CEP128: variants seen among roughly 807,000 people sequenced by gnomAD.
The protein encoded by CEP128 is centrosomal protein 128.
CEP128 carries 132 observed loss-of-function variants against 156.7 expected under a neutral mutation model. The ratio of observed to expected loss-of-function variants is 0.84; its 90% CI spans 0.73 to 0.97. The LOEUF is 0.97. Ranked by LOEUF, CEP128 falls within the 50% of genes least tolerant of loss-of-function variation. CEP128 has a pLI of 0.00. For synonymous variants in CEP128, 469 were observed against 448.9 expected (o/e 1.04, Z -0.57); for missense variants, 1,252 against 1,281.9 (o/e 0.98, Z 0.36).
At chr14:80,499,295 T>C (rs1887631510) in intron 24 of CEP128, among the ~76,000 whole-genome samples, 1 of 152,212 alleles carries the variant, frequency 6.6e-6, no homozygotes, top group South Asian at 2.1e-4. Context: ...TTGCTGTGGA[T>C]AAATTATTTT....
At chr14:80,618,028 G>A (rs917855472) in intron 19 of CEP128, among the ~76,000 whole-genome samples, 4 of 152,112 alleles carry the variant, frequency 2.6e-5, no homozygotes, top group Non-Finnish European at 5.9e-5. Context: ...GATAATGCAC[G>A]TAAAACACTT....
chr14:80,580,431 A>T lies in CEP128; in HGVS notation c.2807-8T>A. 6.4e-7 allele frequency: 1 copy of T among 1,567,168 alleles called. No homozygotes were observed. Among genetic ancestry groups the T allele is most frequent in the Non-Finnish European group, 8.8e-7 (1 of 1,140,668 alleles). On this transcript the variant is annotated splice_polypyrimidine_tract_variant and splice_region_variant and intron_variant, in intron 19 of 24. Coordinates refer to ENST00000555265, the MANE Select transcript of CEP128 (RefSeq NM_152446.5). ...GGGTCTCTTCCAGTAGATCTGTAAT[A>T]AGAAAGTAAAATACCCATCAAAATA...
At chr14:80,645,565 G>A (rs1384395064) in intron 19 of CEP128, among the ~76,000 whole-genome samples, 1 of 152,108 alleles carries the variant, frequency 6.6e-6, no homozygotes, top group Non-Finnish European at 1.5e-5. Flanking sequence ...AAAAATCATG[G>A]CACCAAAAGC....
intron 19 of CEP128, among the ~76,000 whole-genome samples, chr14:80,658,904 A>G (rs952378399): frequency 6.6e-6 from 1 of 152,166 alleles, no homozygotes; most frequent in Non-Finnish European, 1.5e-5. Context: ...ACATAATGAG[A>G]CTGCTGACAG....
At chr14:80,623,617 A>G (rs913805981) in intron 19 of CEP128, among the ~76,000 whole-genome samples, 1 of 151,978 alleles carries the variant, frequency 6.6e-6, no homozygotes, top group Non-Finnish European at 1.5e-5. Flanking sequence ...AATGTCATAA[A>G]ACAAAAAAAA....
chr14:80,827,800 A>G (rs1885560230), intron 13 of CEP128, among the ~76,000 whole-genome samples: 1 of 152,200 alleles, frequency 6.6e-6, no homozygotes, highest in Non-Finnish European at 1.5e-5. Context: ...TAATGTTTTC[A>G]TATCTGTATA....
intron 19 of CEP128, among the ~76,000 whole-genome samples, chr14:80,644,114 C>G (rs1291429353): frequency 6.6e-6 from 1 of 152,098 alleles, no homozygotes; most frequent in East Asian, 1.9e-4. Flanking sequence ...CTAAAGATTG[C>G]CAGCCACCAC....
intron 8 of CEP128, among the ~76,000 whole-genome samples, chr14:80,865,752 T>C (rs12587844): frequency 0.12 from 18,570 of 152,042 alleles, 1,599 homozygotes; most frequent in East Asian, 0.45. Flanking sequence ...CAGGCTGCCA[T>C]GTTATGAGAT....
intron 8 of CEP128, among the ~76,000 whole-genome samples, chr14:80,867,295 G>A (rs1196638488): frequency 6.6e-6 from 1 of 152,212 alleles, no homozygotes; most frequent in East Asian, 1.9e-4. Flanking sequence ...CATGTGCCAA[G>A]AGGGATGAAG....
chr14:80,779,074 A>G (rs1239507552), intron 15 of CEP128, among the ~76,000 whole-genome samples: 1 of 152,224 alleles, frequency 6.6e-6, no homozygotes, highest in Non-Finnish European at 1.5e-5. Flanking sequence ...AAAAGGTACA[A>G]TATCATTAGG....
chr14:80,489,203 C>T (rs1384452319), downstream of CEP128, among the ~76,000 whole-genome samples: 5 of 148,754 alleles, frequency 3.4e-5, no homozygotes, highest in African/African-American at 1.2e-4. Context: ...AGAATATTTT[C>T]CCCTAGTAAA....
intron 19 of CEP128, among the ~76,000 whole-genome samples, chr14:80,642,931 T>C (rs1894482751): frequency 6.6e-6 from 1 of 151,858 alleles, no homozygotes; most frequent in Non-Finnish European, 1.5e-5. Flanking sequence ...ATTTTTTGTA[T>C]TTTTAGTAGA....
At chr14:80,655,524 C>T (rs1895093142) in intron 19 of CEP128, among the ~76,000 whole-genome samples, 1 of 152,148 alleles carries the variant, frequency 6.6e-6, no homozygotes, top group Admixed American at 6.6e-5. Context: ...CTTTGTCTGC[C>T]TAGCATCCTC....
At chr14:80,577,733 C>T (rs749886523) in intron 20 of CEP128, among the ~76,000 whole-genome samples, 2 of 152,158 alleles carry the variant, frequency 1.3e-5, no homozygotes, top group Non-Finnish European at 2.9e-5. Flanking sequence ...ATATTGTTCT[C>T]TTATTTCAAA....
intron 2 of CEP128, among the ~76,000 whole-genome samples, chr14:80,923,239 C>T (rs1594851155): frequency 6.6e-6 from 1 of 152,182 alleles, no homozygotes; most frequent in East Asian, 1.9e-4. Flanking sequence ...AAATCCTCAT[C>T]AATTCACTCC....
intron 23 of CEP128, among the ~76,000 whole-genome samples, chr14:80,507,424 T>G (rs1006857131): frequency 6.6e-6 from 1 of 152,176 alleles, no homozygotes; most frequent in Non-Finnish European, 1.5e-5. Flanking sequence ...ATTGGGCAAC[T>G]AGAGGCAGGT....
chr14:80,813,767 C>A (rs903488412), intron 13 of CEP128, among the ~76,000 whole-genome samples: 4 of 151,978 alleles, frequency 2.6e-5, no homozygotes, highest in Non-Finnish European at 5.9e-5. Flanking sequence ...TAAATAAGAG[C>A]ATTACTGTTT....
At chr14:80,683,937 T>C (rs551660650) in intron 19 of CEP128, among the ~76,000 whole-genome samples, 4 of 152,164 alleles carry the variant, frequency 2.6e-5, no homozygotes, top group Admixed American at 1.3e-4. Context: ...CTCTGAGATG[T>C]AGCAAAAGTA....
At chr14:80,560,291 G>A (rs1220416129) in intron 20 of CEP128, among the ~76,000 whole-genome samples, 4 of 152,220 alleles carry the variant, frequency 2.6e-5, no homozygotes, top group Non-Finnish European at 5.9e-5. Flanking sequence ...CAGGTGCGGT[G>A]CCGCGTGCCT....
Sources: allele counts gnomAD v4.1 joint callset (sites outside exome capture counted in the v4.1 genomes callset), GRCh38; gene constraint gnomAD v4.1.1; transcripts MANE v1.5; gene names NCBI Gene and HGNC (gene_info 2026-07-23, HGNC 2026-07-21).